The following DDX23 variants were observed in gnomAD, a reference collection of about 807,000 sequenced individuals.
DDX23 encodes DEAD-box helicase 23.
In DDX23, 33 loss-of-function variants were observed where a neutral mutation model predicts 102.7. The ratio of observed to expected loss-of-function variants is 0.32; its 90% CI spans 0.24 to 0.43. The LOEUF is 0.43. Among genes scored for constraint, DDX23 ranks in the 20% least tolerant of loss-of-function variants. The pLI, the probability that DDX23 is intolerant of heterozygous loss-of-function variation, is 1.00. For missense variants in DDX23, 549 were observed against 1,086.6 expected (o/e 0.51, Z 6.96); for synonymous variants, 352 against 376.0 (o/e 0.94, Z 0.74).
chr12:48,840,654 G>C (rs1471134451), intron 3 of DDX23, among the ~76,000 whole-genome samples: 1 of 150,976 alleles, frequency 6.6e-6, no homozygotes, highest in African/African-American at 2.4e-5. Context: ...CTGGGTTCAA[G>C]AAATTTTCCT....
intron 1 of DDX23, among the ~76,000 whole-genome samples, chr12:48,849,574 G>C (rs1189034581): frequency 2.6e-5 from 4 of 151,998 alleles, no homozygotes; most frequent in African/African-American, 9.7e-5. Flanking sequence ...AGGCAGAACT[G>C]CTTGAACCCA....
At chr12:48,840,348 G>C (rs1016347408) in intron 3 of DDX23, among the ~76,000 whole-genome samples, 2 of 152,132 alleles carry the variant, frequency 1.3e-5, no homozygotes. Context: ...TCTCTTTTGG[G>C]AAGTGGGACT....
At chr12:48,834,736 C>T (rs1444996677) in intron 11 of DDX23, 3 of 374,506 alleles carry the variant, frequency 8.0e-6, no homozygotes, top group Non-Finnish European at 9.7e-6. Context: ...GAGTTTGAGA[C>T]CAGCCTGGCC....
At position 48,836,671 on chromosome 12, in the gene DDX23, G is replaced by A. The variant is rs751307455; in HGVS notation, c.1134C>T (p.Ser378=). 96 of 1,614,220 alleles carry A rather than the reference G, an allele frequency of 5.9e-5. 1 individual carries two copies. The South Asian group carries it at 1.0e-3, about 17-fold the overall frequency. The change falls in exon 10 of 17, where the codon AGC becomes AGT. Residue 378 remains serine, a synonymous_variant. Transcript: ENST00000308025. This position sits in a 1 kb window ranked among gnomAD's most constrained non-coding sequence, Gnocchi z 6.1. The part of the protein sequence containing the change: ...RDWRIFREDY[S]ITTKGGKIPN... ...GGATCTTGCCACCTTTGGTGGTGAT[G>A]CTGTAGTCCTCACGGAAGATCCGCC...
intron 1 of DDX23, among the ~76,000 whole-genome samples, chr12:48,848,285 C>CA (rs1258905935): frequency 1.5e-4 from 20 of 134,942 alleles, no homozygotes; most frequent in Non-Finnish European, 2.8e-4. Context: ...GACTCCGTCT[C>CA]AAAAACAAAA....
intron 6 of DDX23, 122 bp from the exon 7 acceptor site, chr12:48,837,779 G>T (rs1938485574): frequency 6.5e-7 from 1 of 1,533,244 alleles, no homozygotes; most frequent in East Asian, 2.3e-5. Flanking sequence ...ATGATATGGG[G>T]TAAATGGAGA....
intron 5 of DDX23, 173 bp downstream of exon 5, chr12:48,839,671 C>A: frequency 2.1e-5 from 13 of 628,950 alleles, no homozygotes; most frequent in Non-Finnish European, 1.4e-5. Context: ...AAGAAGACAG[C>A]CTTATAAGCC....
At chr12:48,842,118 C>T (rs1197430115) in intron 3 of DDX23, among the ~76,000 whole-genome samples, 1 of 151,896 alleles carries the variant, frequency 6.6e-6, no homozygotes, top group Non-Finnish European at 1.5e-5. Flanking sequence ...GCAGCCACCC[C>T]GTCTGGGAAG....
chr12:48,842,635 C>T (rs1270365681), intron 3 of DDX23, among the ~76,000 whole-genome samples: 28 of 143,886 alleles, frequency 1.9e-4, no homozygotes, highest in East Asian at 4.3e-4. Context: ...AAGTGAGGAG[C>T]CCCTCTGCCC....
chr12:48,842,090 G>C (rs1253353926), intron 3 of DDX23, among the ~76,000 whole-genome samples: 1 of 151,726 alleles, frequency 6.6e-6, no homozygotes, highest in Non-Finnish European at 1.5e-5. Context: ...TCTGAGAAGT[G>C]AGGAGCCCCT....
In DDX23 at chr12:48,837,924, C is replaced by T. The variant is rs375385832; in HGVS notation, c.619+18G>A. 89 of 1,612,270 alleles carry T rather than the reference C, an allele frequency of 5.5e-5. No homozygotes were observed. In the East Asian group the frequency reaches 1.2e-3, roughly 23 times the overall value. Reference sequence around the variant, plus strand: ...TTTCCTCTTCCATCTAGGGGCTACACAGGGTAGAATAACAAACCCAACATC... The same window carrying T: ...TTTCCTCTTCCATCTAGGGGCTACATAGGGTAGAATAACAAACCCAACATC... On this transcript the variant is annotated intron_variant, in intron 6 of 16. Coordinates refer to ENST00000308025, the MANE Select transcript of DDX23 (RefSeq NM_004818.3).
intron 1 of DDX23, 147 bp from the exon 2 acceptor site, chr12:48,845,929 T>C (rs1163977643): frequency 6.7e-6 from 6 of 898,802 alleles, no homozygotes; most frequent in East Asian, 5.3e-5. Flanking sequence ...CTCAGGTATA[T>C]AAAGGAACTT....
At position 48,836,548 on chromosome 12, in the gene DDX23, G is replaced by C; in HGVS notation, c.1236+21C>G. On this transcript the variant is annotated intron_variant, in intron 10 of 16. Transcript: ENST00000308025. This position sits in a 1 kb window ranked among gnomAD's most constrained non-coding sequence, Gnocchi z 6.1. ...GTGTAGGAACATGTCAGATCTCTTG[G>C]GCCAATCTATCCCTCCTTACCTTGT... The C allele has an allele frequency of 6.2e-7, 1 of 1,605,498 alleles. No homozygotes were observed. The highest frequency in any genetic ancestry group is 8.5e-7 in the Non-Finnish European group (1 of 1,173,874).
At chr12:48,851,333 CG>C (rs940129254) in intron 1 of DDX23, among the ~76,000 whole-genome samples, 3 of 152,062 alleles carry the variant, frequency 2.0e-5, no homozygotes, top group Non-Finnish European at 4.4e-5. Context: ...ATTAGCCGGG[CG>C]TGGCGGCGTG....
rs1180284508 is a variant in DDX23 at position 48,831,388 on chromosome 12, GAC to G, written c.2065-74_2065-73del. The G allele has an allele frequency of 3.4e-6, 5 of 1,463,688 alleles. No homozygotes were observed. The African/African-American group carries it at 5.6e-5, about 16-fold the overall frequency. 90.7% of individuals were successfully genotyped at this position (1,463,688 alleles called of 1,614,324 possible). ...GAGACACAGGAGTTCAGAGGAATGG[GAC>G]ACAGATGAAGGGAGGGTTGGAGAGA... is the stretch of plus-strand genomic sequence containing the variant. On this transcript the variant is annotated intron_variant, in intron 15 of 16. Coordinates refer to ENST00000308025, the MANE Select transcript of DDX23 (RefSeq NM_004818.3).
At chr12:48,841,548 T>C (rs373035893) in intron 3 of DDX23, among the ~76,000 whole-genome samples, 3 of 151,790 alleles carry the variant, frequency 2.0e-5, no homozygotes, top group African/African-American at 7.2e-5. Flanking sequence ...CTCGGCTCAC[T>C]GCAACCTCCC....
At position 48,832,428 on chromosome 12, in the gene DDX23, T is replaced by G. The variant is rs765072347; in HGVS notation, c.1949A>C (p.Glu650Ala). 4 of 1,613,052 alleles carry G rather than the reference T, an allele frequency of 2.5e-6. No individual in the cohort carries two copies. The highest frequency in any genetic ancestry group is 3.4e-6 in the Non-Finnish European group (4 of 1,179,154). Reference protein sequence around the residue: ...EQKVFLMSESEKRKKLLAILE... With the variant: ...EQKVFLMSESAKRKKLLAILE... ...GGCTCAGCTGCCCTCATACCTCTTT[T>G]CTGACTCTGACATGAGGAAGACCTT... Residue 650 changes from glutamate (E) to alanine (A), a missense_variant, in exon 14 of 17, where the codon GAA (glutamate) becomes GCA (alanine). Coordinates refer to ENST00000308025, the MANE Select transcript of DDX23 (RefSeq NM_004818.3). This position sits in a 1 kb window ranked among gnomAD's most constrained non-coding sequence, Gnocchi z 4.4.
At chr12:48,843,441 G>A (rs528239542) in intron 3 of DDX23, among the ~76,000 whole-genome samples, 2 of 151,638 alleles carry the variant, frequency 1.3e-5, no homozygotes, top group Non-Finnish European at 2.9e-5. Flanking sequence ...CTCCAGCCTG[G>A]GCAAAAGAGA....
In DDX23 at chr12:48,840,033, G is replaced by C. The variant is rs1281377650; in HGVS notation, c.394C>G (p.His132Asp). The C allele has an allele frequency of 6.2e-7, 1 of 1,614,062 alleles. No homozygotes were observed. Residue 132 changes from histidine to aspartate, a missense_variant, in exon 4 of 17, where the codon CAT (histidine) becomes GAT (aspartate). Transcript: ENST00000308025. ...TTTACCTTAGGCTTCTTATCACCAT[G>C]TTCATCCTCTTCATCCTTCTTAGAG... The part of the protein sequence containing the change: ...RDSKKDEEDE[H>D]GDKKPKAQPL...
Sources: allele counts gnomAD v4.1 joint callset (sites outside exome capture counted in the v4.1 genomes callset), GRCh38; gene constraint gnomAD v4.1.1; non-coding constraint Gnocchi (gnomAD v3.1); transcripts MANE v1.5; gene names NCBI Gene and HGNC (gene_info 2026-07-23, HGNC 2026-07-21).